Variants in TNC observed in about 807,000 individuals in gnomAD.
TNC encodes tenascin C.
TNC carries 109 observed loss-of-function variants against 202.4 expected under a neutral mutation model. That is an observed-to-expected ratio of 0.54 (90% confidence interval 0.46 to 0.63). The LOEUF is 0.63. TNC is among the 30% of genes least tolerant of loss of function. TNC has a pLI of 0.00. For synonymous variants in TNC, 1,007 were observed against 1,089.7 expected (o/e 0.92, Z 1.50); for missense variants, 2,756 against 2,833.3 (o/e 0.97, Z 0.62).
intron 4 of TNC, 106 bp from the exon 5 acceptor site, chr9:115,082,913 G>A: frequency 1.3e-6 from 1 of 743,724 alleles, no homozygotes; most frequent in Non-Finnish European, 2.3e-6. Context: ...ACAGTCAGGG[G>A]CTGACAACCA....
At chr9:115,117,378 A>C (rs1196111346) in intron 1 of TNC, among the ~76,000 whole-genome samples, 1 of 152,216 alleles carries the variant, frequency 6.6e-6, no homozygotes, top group Admixed American at 6.5e-5. Flanking sequence ...GCTGTTCTCC[A>C]CCACTCTCTA....
chr9:115,098,912 G>A (rs959514794), intron 1 of TNC, among the ~76,000 whole-genome samples: 8 of 149,318 alleles, frequency 5.4e-5, no homozygotes, highest in African/African-American at 2.0e-4. Context: ...GAAGAGAGAG[G>A]AGCCAGGAAA....
rs191548835 is a variant in TNC at position 115,080,032 on chromosome 9, G to A, written c.2404+1740C>T. ...TGCCAGCACCTTAGGAGGCCGAGGC[G>A]GGTGGATCACTTGAGATCAGGAGTT... On this transcript the variant is annotated intron_variant, in intron 6 of 27. Coordinates refer to ENST00000350763, the MANE Select transcript of TNC (RefSeq NM_002160.4). Among the ~76,000 whole-genome samples the A allele has an allele frequency of 1.6e-3, 238 of 152,222 alleles. 1 individual carries two copies. The highest frequency in any genetic ancestry group is 2.6e-3 in the Non-Finnish European group (179 of 68,002).
At chr9:115,033,436 G>T (rs1830093271) in intron 22 of TNC, among the ~76,000 whole-genome samples, 2 of 152,078 alleles carry the variant, frequency 1.3e-5, no homozygotes, top group African/African-American at 4.8e-5. Context: ...CCATTTTCTA[G>T]GCAATTAGGG....
intron 10 of TNC, 92 bp from the exon 11 acceptor site, chr9:115,065,011 A>G (rs1832837870): frequency 6.9e-7 from 1 of 1,458,076 alleles, no homozygotes; most frequent in Admixed American, 1.8e-5. Flanking sequence ...TGCCACATCT[A>G]TAGGCCATTG....
chr9:115,112,982 G>A (rs577283575), intron 1 of TNC, among the ~76,000 whole-genome samples: 1 of 152,362 alleles, frequency 6.6e-6, no homozygotes, highest in East Asian at 1.9e-4. Flanking sequence ...TGGTTGCAGG[G>A]ATGTGATGTG....
chr9:115,020,944 T>G lies in TNC; in HGVS notation c.*213A>C. On this transcript the variant is annotated 3_prime_UTR_variant, in exon 28 of 28. Transcript: ENST00000350763. ...TGAATCAAACAACAAAACAGAAACA[T>G]GTTGGAGACTGATGTCTTTGGTGCA... The G allele has an allele frequency of 1.9e-6, 1 of 521,922 alleles. No homozygotes were observed. The highest frequency in any genetic ancestry group is 3.4e-6 in the Non-Finnish European group (1 of 296,466). 32.3% of individuals were successfully genotyped at this position (521,922 alleles called of 1,614,324 possible).
chr9:115,072,561 C>T (rs10982513), intron 10 of TNC, among the ~76,000 whole-genome samples: 40,982 of 152,048 alleles, frequency 0.27, 5,881 homozygotes, highest in African/African-American at 0.37. Context: ...GAATAACATC[C>T]CTTGCCATAA....
In TNC at chr9:115,078,109, G is replaced by C; in HGVS notation, c.2508C>G (p.Thr836=). Residue 836 remains threonine, a synonymous_variant, in exon 7 of 28, where the codon ACC becomes ACG. Transcript: ENST00000350763. ...PLAEIDGIEL[T]YGIKDVPGDR... ...CTCCTGGCACGTCTTTGATGCCGTA[G>C]GTCAGCTCAATGCCATCGATCTCAG... 1 of 1,614,194 alleles carries C rather than the reference G, an allele frequency of 6.2e-7. No individual in the cohort carries two copies. The highest frequency in any genetic ancestry group is 1.3e-5 in the African/African-American group (1 of 75,042).
In TNC at chr9:115,098,780, A is replaced by C. The variant is rs571935380; in HGVS notation, c.-136-7626T>G. Among the ~76,000 whole-genome samples, 21 of 152,192 alleles carry C rather than the reference A, an allele frequency of 1.4e-4. No homozygotes were observed. The East Asian group carries it at 3.5e-3, about 25-fold the overall frequency. ...TTTTCTTCTCGCTTACAGGCCAAAG[A>C]GTTTTATTGTGCATGGCCTGTCAAG... On this transcript the variant is annotated intron_variant, in intron 1 of 27. Transcript: ENST00000350763.
At chr9:115,101,314 C>G (rs924734024) in intron 1 of TNC, among the ~76,000 whole-genome samples, 1 of 152,154 alleles carries the variant, frequency 6.6e-6, no homozygotes, top group Admixed American at 6.5e-5. Flanking sequence ...CAGGTTCAAG[C>G]GATTCTCTTG....
intron 16 of TNC, among the ~76,000 whole-genome samples, chr9:115,047,163 A>C (rs1398221468): frequency 3.9e-5 from 6 of 152,122 alleles, no homozygotes; most frequent in African/African-American, 1.4e-4. Flanking sequence ...GAGCCTGCCC[A>C]AAATGGCTTT....
chr9:115,071,485 C>T (rs1479725505), intron 10 of TNC, among the ~76,000 whole-genome samples: 1 of 152,182 alleles, frequency 6.6e-6, no homozygotes, highest in Non-Finnish European at 1.5e-5. Context: ...CTGGTTATAG[C>T]CACATTACCT....
Position 115,107,278 on chromosome 9 carries a change from T to C in TNC, c.-137+10704A>G, listed in dbSNP as rs114628298. On this transcript the variant is annotated intron_variant, in intron 1 of 27. Coordinates refer to ENST00000350763, the MANE Select transcript of TNC (RefSeq NM_002160.4). Reference sequence around the variant, plus strand: ...CAGTCACAACTATTCAACTCTGCTATTGTAGAGGCAGCAGCTATAGATAAT... The same window carrying C: ...CAGTCACAACTATTCAACTCTGCTACTGTAGAGGCAGCAGCTATAGATAAT... 6.9e-3 allele frequency among the ~76,000 whole-genome samples: 1,045 copies of C among 152,280 alleles called. 14 individuals carry two copies. The highest frequency in any genetic ancestry group is 0.023 in the African/African-American group (971 of 41,560).
At chr9:115,097,124 G>A (rs1405031839) in intron 1 of TNC, among the ~76,000 whole-genome samples, 1 of 152,194 alleles carries the variant, frequency 6.6e-6, no homozygotes, top group African/African-American at 2.4e-5. Context: ...TGCGTGTGGG[G>A]GAAAGAGTCT....
Position 115,091,057 on chromosome 9 carries a change from G to A in TNC, c.-39C>T. 1.3e-6 allele frequency: 2 copies of A among 1,543,206 alleles called. No individual in the cohort carries two copies. The highest frequency in any genetic ancestry group is 8.8e-7 in the Non-Finnish European group (1 of 1,130,530). ...TTGGCTGGGTGCTGCTGGGGCTCTA[G>A]GGCTCTAGGGTATCTCACTTTCAGC... On this transcript the variant is annotated 5_prime_UTR_variant, in exon 2 of 28. Coordinates refer to ENST00000350763, the MANE Select transcript of TNC (RefSeq NM_002160.4).
rs145876124 is a variant in TNC at position 115,034,218 on chromosome 9, A to G, written c.5787+986T>C. On this transcript the variant is annotated intron_variant, in intron 22 of 27. Transcript: ENST00000350763. ...CGAGGTGCTACACTGGAAACATAAT[A>G]AGATGAAAGTTTGTACACAGTGAGA... 2.1e-4 allele frequency among the ~76,000 whole-genome samples: 32 copies of G among 152,298 alleles called. No homozygotes were observed. In the East Asian group the frequency reaches 6.0e-3, roughly 28 times the overall value.
At chr9:115,064,295 C>A (rs1416475984) in intron 11 of TNC, among the ~76,000 whole-genome samples, 1 of 152,174 alleles carries the variant, frequency 6.6e-6, no homozygotes, top group African/African-American at 2.4e-5. Context: ...ATTGCCTTAA[C>A]CCTCAGTAGA....
chr9:115,115,040 G>C (rs964965533), intron 1 of TNC: 1 of 152,206 alleles, frequency 6.6e-6, no homozygotes, highest in Non-Finnish European at 1.5e-5. Flanking sequence ...CAGCATGAAG[G>C]GGGCTGCGCT....
Sources: allele counts gnomAD v4.1 joint callset (sites outside exome capture counted in the v4.1 genomes callset), GRCh38; gene constraint gnomAD v4.1.1; transcripts MANE v1.5; gene names NCBI Gene and HGNC (gene_info 2026-07-23, HGNC 2026-07-21).